Variants in MARCHF5 observed in about 807,000 individuals in gnomAD.
MARCHF5 encodes the protein membrane associated ring-CH-type finger 5, also known as E3 ubiquitin-protein ligase MARCHF5.
MARCHF5 carries 5 observed loss-of-function variants against 36.5 expected under a neutral mutation model. That is an observed-to-expected ratio of 0.14 (90% CI 0.07 to 0.29). The LOEUF (loss-of-function observed/expected upper bound fraction) is 0.29, where lower values mean the gene tolerates loss of function less well. Ranked by LOEUF, MARCHF5 falls within the 10% of genes least tolerant of loss-of-function variation. The pLI is 1.00. For missense variants in MARCHF5, 179 were observed against 336.3 expected (o/e 0.53, Z 3.66); for synonymous variants, 103 against 109.9 (o/e 0.94, Z 0.39).
At chr10:92,300,162 CA>C (rs377259892) in intron 1 of MARCHF5, among the ~76,000 whole-genome samples, 2,368 of 135,730 alleles carry the variant, frequency 0.017, 65 homozygotes, top group African/African-American at 0.058. Context: ...GACCTTGTCT[CA>C]AAAAAAAAAA....
intron 1 of MARCHF5, among the ~76,000 whole-genome samples, chr10:92,307,588 G>T (rs1843091640): frequency 6.6e-6 from 1 of 151,828 alleles, no homozygotes; most frequent in East Asian, 1.9e-4. Flanking sequence ...TTAATTAGCT[G>T]TGTGTGGCCA....
At chr10:92,337,130 A>G (rs1843511657) in intron 2 of MARCHF5, among the ~76,000 whole-genome samples, 1 of 151,722 alleles carries the variant, frequency 6.6e-6, no homozygotes, top group Admixed American at 6.6e-5. Flanking sequence ...TCAAAAAAAA[A>G]AAAAAGAGGA....
chr10:92,327,268 A>G (rs987779729), intron 2 of MARCHF5, among the ~76,000 whole-genome samples: 4 of 151,248 alleles, frequency 2.6e-5, no homozygotes, highest in African/African-American at 9.7e-5. Flanking sequence ...TTTTCTTAGC[A>G]GTATATCGTA....
At chr10:92,303,877 CATAT>C (rs1843043931) in intron 1 of MARCHF5, among the ~76,000 whole-genome samples, 1 of 152,118 alleles carries the variant, frequency 6.6e-6, no homozygotes, top group Non-Finnish European at 1.5e-5. Flanking sequence ...CTGTTGTCTT[CATAT>C]AATGACAGTG....
At chr10:92,347,524 GA>G (rs1564954978) in intron 3 of MARCHF5, among the ~76,000 whole-genome samples, 1 of 24,422 alleles carries the variant, frequency 4.1e-5, no homozygotes, top group Non-Finnish European at 1.1e-4. Flanking sequence ...ATAGATAGAT[GA>G]TAGATATATA....
intron 2 of MARCHF5, among the ~76,000 whole-genome samples, chr10:92,327,379 G>C (rs892125508): frequency 6.7e-6 from 1 of 148,798 alleles, no homozygotes; most frequent in South Asian, 2.1e-4. Flanking sequence ...TTCATACATA[G>C]ATGTATGATT....
At chr10:92,302,431 CT>C (rs1168267807) in intron 1 of MARCHF5, among the ~76,000 whole-genome samples, 8 of 131,260 alleles carry the variant, frequency 6.1e-5, no homozygotes, top group Non-Finnish European at 1.2e-4. Flanking sequence ...ACGTAGTTTT[CT>C]TTTTTCTTTT....
intron 1 of MARCHF5, among the ~76,000 whole-genome samples, chr10:92,307,586 C>T (rs1434897946): frequency 6.6e-6 from 1 of 151,712 alleles, no homozygotes; most frequent in Non-Finnish European, 1.5e-5. Flanking sequence ...TTTTAATTAG[C>T]TGTGTGTGGC....
At chr10:92,295,821 G>A (rs1054921538) in intron 1 of MARCHF5, among the ~76,000 whole-genome samples, 5 of 151,318 alleles carry the variant, frequency 3.3e-5, no homozygotes, top group Non-Finnish European at 5.9e-5. Flanking sequence ...AATATTTGTA[G>A]GTGGAAAGAA....
chr10:92,313,396 A>G (rs2135188211), intron 2 of MARCHF5, among the ~76,000 whole-genome samples: 1 of 151,158 alleles, frequency 6.6e-6, no homozygotes, highest in South Asian at 2.1e-4. Flanking sequence ...CGAGGTCAGG[A>G]GATCGAGACC....
chr10:92,343,609 G>C (rs916339668), intron 3 of MARCHF5, among the ~76,000 whole-genome samples: 11 of 152,124 alleles, frequency 7.2e-5, no homozygotes, highest in African/African-American at 2.4e-4. Flanking sequence ...CGCTCTTGTT[G>C]TCCAGGCTGG....
intron 2 of MARCHF5, among the ~76,000 whole-genome samples, chr10:92,340,183 G>C (rs1484696703): frequency 6.6e-6 from 1 of 152,162 alleles, no homozygotes; most frequent in Non-Finnish European, 1.5e-5. Flanking sequence ...TGGCCAGTAT[G>C]ATTAAGAGAT....
intron 2 of MARCHF5, among the ~76,000 whole-genome samples, chr10:92,311,632 G>T (rs966092550): frequency 4.6e-5 from 7 of 151,956 alleles, no homozygotes; most frequent in Non-Finnish European, 1.5e-5. Context: ...CTAATAAAAA[G>T]CTGACTTTTA....
chr10:92,317,505 G>A (rs1843226626), intron 2 of MARCHF5, among the ~76,000 whole-genome samples: 1 of 151,920 alleles, frequency 6.6e-6, no homozygotes, highest in Admixed American at 6.6e-5. Flanking sequence ...GATACATTGT[G>A]TAAATGGAAT....
chr10:92,319,820 A>G (rs1245854988), intron 2 of MARCHF5, among the ~76,000 whole-genome samples: 1 of 150,262 alleles, frequency 6.7e-6, no homozygotes, highest in Non-Finnish European at 1.5e-5. Context: ...GTGCCCAGCT[A>G]ATTTTTGTAT....
chr10:92,350,508 C>T (rs926575372), intron 5 of MARCHF5, among the ~76,000 whole-genome samples: 4 of 152,140 alleles, frequency 2.6e-5, no homozygotes, highest in African/African-American at 4.8e-5. Flanking sequence ...GGGTGATTGT[C>T]GGGTAATTGT....
At chr10:92,322,013 G>A (rs548646671) in intron 2 of MARCHF5, among the ~76,000 whole-genome samples, 5 of 151,824 alleles carry the variant, frequency 3.3e-5, no homozygotes, top group Non-Finnish European at 7.4e-5. Flanking sequence ...GGGAGGCCGA[G>A]GCGGGCGGAT....
chr10:92,299,156 G>C (rs1283803079), intron 1 of MARCHF5, among the ~76,000 whole-genome samples: 5 of 152,006 alleles, frequency 3.3e-5, no homozygotes, highest in African/African-American at 1.2e-4. Context: ...TTTCCTTCCA[G>C]ATCCACTTGT....
chr10:92,336,815 TAGAA>T (rs547645801), intron 2 of MARCHF5, among the ~76,000 whole-genome samples: 146 of 152,006 alleles, frequency 9.6e-4, no homozygotes, highest in African/African-American at 3.4e-3. Flanking sequence ...AGTAGTGAAA[TAGAA>T]AGAAAAACGA....
Sources: gnomAD v4.1 joint callset for allele counts (sites outside exome capture counted in the v4.1 genomes callset) on GRCh38, gnomAD v4.1.1 for gene constraint, MANE v1.5 for transcripts, NCBI Gene and HGNC (gene_info 2026-07-23, HGNC 2026-07-21) for gene names.